The following GRB14 variants were observed in gnomAD, a reference collection of about 807,000 sequenced individuals.
The protein encoded by GRB14 is growth factor receptor-bound protein 14.
GRB14 carries 38 observed loss-of-function variants against 69.1 expected under a neutral mutation model. The ratio of observed to expected loss-of-function variants is 0.55; its 90% CI spans 0.42 to 0.72. The LOEUF is 0.72. GRB14 is among the 30% of genes least tolerant of loss of function. The pLI, the probability that GRB14 is intolerant of heterozygous loss-of-function variation, is 0.00. For synonymous variants in GRB14, 247 were observed against 241.3 expected, an observed-to-expected ratio of 1.02 and a Z score of -0.22; for missense variants, 666 against 666.1, an observed-to-expected ratio of 1.00 and a Z score of 0.00.
intron 1 of GRB14, among the ~76,000 whole-genome samples, chr2:164,620,594 CG>C (rs1346699788): frequency 6.6e-6 from 1 of 151,724 alleles, no homozygotes; most frequent in African/African-American, 2.4e-5. Flanking sequence ...TTTTTCTTTC[CG>C]AAAGTATGTG....
intron 6 of GRB14, among the ~76,000 whole-genome samples, chr2:164,510,726 G>C (rs994984314): frequency 1.3e-5 from 2 of 152,136 alleles, no homozygotes; most frequent in Admixed American, 1.3e-4. Flanking sequence ...TTTTAGAAGG[G>C]AGCCCACTAC....
At chr2:164,513,648 G>A (rs2105272730) in intron 6 of GRB14, among the ~76,000 whole-genome samples, 1 of 152,306 alleles carries the variant, frequency 6.6e-6, no homozygotes, top group African/African-American at 2.4e-5. Context: ...TGAGTTTGCA[G>A]ATTGAATGTG....
At chr2:164,525,558 C>T (rs1208385818) in intron 4 of GRB14, among the ~76,000 whole-genome samples, 1 of 151,986 alleles carries the variant, frequency 6.6e-6, no homozygotes, top group Non-Finnish European at 1.5e-5. Context: ...TACCATTTTT[C>T]CAAACTTTTT....
chr2:164,536,401 G>T (rs968979657), intron 3 of GRB14, among the ~76,000 whole-genome samples: 2 of 151,926 alleles, frequency 1.3e-5, no homozygotes, highest in African/African-American at 2.4e-5. Context: ...CTCTTTAAAA[G>T]TTTTTAAAAT....
chr2:164,607,563 C>A (rs1341288733), intron 2 of GRB14, among the ~76,000 whole-genome samples: 1 of 152,146 alleles, frequency 6.6e-6, no homozygotes, highest in Non-Finnish European at 1.5e-5. Context: ...TCTTTGAACT[C>A]CATCAGAGCT....
Position 164,522,035 on chromosome 2 carries a change from A to AT in GRB14, c.760dup (p.Ile254AsnfsTer15). On this transcript the variant is annotated frameshift_variant, in exon 6 of 14. Coordinates refer to ENST00000263915, the MANE Select transcript of GRB14 (RefSeq NM_004490.3). LOFTEE classifies it high-confidence loss of function. ...ACCAGATCTTCTTAGAAAAAAGTAAATTTTTTTCCAAGACTTCTTTCCCTG... is the reference window on the plus strand; with the variant it reads ...ACCAGATCTTCTTAGAAAAAAGTAAATTTTTTTTCCAAGACTTCTTTCCCTG... 6.2e-7 allele frequency: 1 copy of AT among 1,603,332 alleles called. No homozygotes were observed. The highest frequency in any genetic ancestry group is 8.5e-7 in the Non-Finnish European group (1 of 1,171,778).
chr2:164,566,551 G>C (rs1034573428), intron 2 of GRB14, among the ~76,000 whole-genome samples: 2 of 152,046 alleles, frequency 1.3e-5, no homozygotes, highest in Non-Finnish European at 2.9e-5. Context: ...TGGCAGCTCA[G>C]ATGTAACATC....
Position 164,621,200 on chromosome 2 carries a change from T to A in GRB14, c.110A>T (p.His37Leu). The A allele has an allele frequency of 8.0e-7, 1 of 1,243,674 alleles. No homozygotes were observed. The highest frequency in any genetic ancestry group is 1.0e-6 in the Non-Finnish European group (1 of 989,396). 77.0% of individuals were successfully genotyped at this position (1,243,674 alleles called of 1,614,324 possible). A position where few individuals can be genotyped will look rare whatever the true frequency, so the allele number is the denominator to read the frequency against. ...CGAAQGRGDAHDLAPAPWLHA... is the reference protein window; with the variant it reads ...CGAAQGRGDALDLAPAPWLHA... Reference sequence around the variant, plus strand: ...CAGCCAGGGGGCCGGCGCCAGGTCGTGGGCGTCGCCCCTCCCCTGGGCAGC... The same window carrying A: ...CAGCCAGGGGGCCGGCGCCAGGTCGAGGGCGTCGCCCCTCCCCTGGGCAGC... The change falls in exon 1 of 14, where the codon CAC (histidine) becomes CTC (leucine). Residue 37 changes from histidine to leucine, a missense_variant. By Grantham distance (99) the His-to-Leu change is moderately conservative. Coordinates refer to ENST00000263915, the MANE Select transcript of GRB14 (RefSeq NM_004490.3). This position sits in a 1 kb window ranked among gnomAD's most constrained non-coding sequence, Gnocchi z 6.0.
At chr2:164,546,406 A>C (rs1244321278) in intron 3 of GRB14, among the ~76,000 whole-genome samples, 2 of 152,196 alleles carry the variant, frequency 1.3e-5, no homozygotes, top group African/African-American at 4.8e-5. Context: ...AAATAATGGC[A>C]AAGAAGCCAC....
chr2:164,588,299 C>T (rs1482831378), intron 2 of GRB14, among the ~76,000 whole-genome samples: 1 of 152,080 alleles, frequency 6.6e-6, no homozygotes, highest in Admixed American at 6.6e-5. Flanking sequence ...GCCAATGTAC[C>T]TCATCTTAAC....
At chr2:164,618,269 C>T (rs963488913) in intron 2 of GRB14, among the ~76,000 whole-genome samples, 11 of 150,022 alleles carry the variant, frequency 7.3e-5, no homozygotes, top group South Asian at 2.1e-4. Flanking sequence ...CCACCGCACC[C>T]GGCCTCTTTT....
intron 2 of GRB14, among the ~76,000 whole-genome samples, chr2:164,613,720 G>A (rs1690219740): frequency 1.3e-5 from 2 of 152,210 alleles, no homozygotes; most frequent in African/African-American, 4.8e-5. Flanking sequence ...CCTCTCATGA[G>A]ACCAGTGACC....
At chr2:164,565,483 TAGG>T (rs916593265) in intron 2 of GRB14, among the ~76,000 whole-genome samples, 6 of 152,172 alleles carry the variant, frequency 3.9e-5, no homozygotes, top group African/African-American at 1.2e-4. Context: ...AACACGTATC[TAGG>T]AGAAGCATAC....
intron 2 of GRB14, among the ~76,000 whole-genome samples, chr2:164,571,115 G>A (rs369157896): frequency 6.6e-6 from 1 of 152,192 alleles, no homozygotes; most frequent in Non-Finnish European, 1.5e-5. Flanking sequence ...CTTTGCAGGT[G>A]CTCATATTGA....
At position 164,535,262 on chromosome 2, in the gene GRB14, T is replaced by C. The variant is rs146779352; in HGVS notation, c.482-8127A>G. On this transcript the variant is annotated intron_variant, in intron 3 of 13. Transcript: ENST00000263915. ...TGATAACTACATGTAATTCTGTTTT[T>C]GAATTTTCAGAAACTCTTTCTTTAA... Among the ~76,000 whole-genome samples, 210 of 152,236 alleles carry C rather than the reference T, an allele frequency of 1.4e-3. 7 individuals carry two copies. In the East Asian group the frequency reaches 0.034, roughly 24 times the overall value.
chr2:164,524,419 G>A (rs1687716872), intron 5 of GRB14, among the ~76,000 whole-genome samples: 1 of 152,050 alleles, frequency 6.6e-6, no homozygotes, highest in South Asian at 2.1e-4. Context: ...CAGTTTGGAA[G>A]AAATGAGTCC....
rs62173863 is a variant in GRB14 at position 164,567,245 on chromosome 2, G to T, written c.325-19429C>A. Among the ~76,000 whole-genome samples, 491 of 152,240 alleles carry T rather than the reference G, an allele frequency of 3.2e-3. 3 individuals are homozygous for T. Among genetic ancestry groups the T allele is most frequent in the Middle Eastern group, 0.02 (6 of 294 alleles). ...ATGTTGGCAAAATTATCATATAGCTGTTCCAATGCCAAATAAAATATTCTC... is the reference window on the plus strand; with the variant it reads ...ATGTTGGCAAAATTATCATATAGCTTTTCCAATGCCAAATAAAATATTCTC... On this transcript the variant is annotated intron_variant, in intron 2 of 13. Coordinates refer to ENST00000263915, the MANE Select transcript of GRB14 (RefSeq NM_004490.3).
chr2:164,551,446 T>G (rs1559047173), intron 2 of GRB14, among the ~76,000 whole-genome samples: 1 of 152,198 alleles, frequency 6.6e-6, no homozygotes, highest in Non-Finnish European at 1.5e-5. Context: ...ATTCACATGT[T>G]GAATCCCTAG....
chr2:164,502,108 T>C (rs891302891), intron 9 of GRB14, 147 bp downstream of exon 9: 3 of 435,612 alleles, frequency 6.9e-6, no homozygotes, highest in African/African-American at 5.9e-5. Flanking sequence ...AAAAATTCAA[T>C]GTAACATTAT....
Sources: gnomAD v4.1 joint callset for allele counts (sites outside exome capture counted in the v4.1 genomes callset) on GRCh38, gnomAD v4.1.1 for gene constraint, Gnocchi (gnomAD v3.1) non-coding constraint, MANE v1.5 for transcripts, NCBI Gene and HGNC (gene_info 2026-07-23, HGNC 2026-07-21) for gene names.